The following ICE1 variants were observed in gnomAD, a reference collection of about 807,000 sequenced individuals.
ICE1 encodes the protein interactor of little elongation complex ELL subunit 1, also known as little elongation complex subunit 1.
A neutral mutation model predicts 192.7 loss-of-function variants in ICE1; 64 were observed. That is an observed-to-expected ratio of 0.33 (90% CI 0.27 to 0.41). ICE1 has a LOEUF of 0.41. Among genes scored for constraint, ICE1 ranks in the 10% least tolerant of loss-of-function variants. ICE1 has a pLI of 1.00. For missense variants in ICE1, 2,708 were observed against 2,696.0 expected (o/e 1.00, Z -0.10); for synonymous variants, 1,010 against 984.5 (o/e 1.03, Z -0.49).
At chr5:5,436,750 C>A (rs1035455960) in intron 2 of ICE1, among the ~76,000 whole-genome samples, 1 of 152,170 alleles carries the variant, frequency 6.6e-6, no homozygotes, top group Non-Finnish European at 1.5e-5. Flanking sequence ...TCAAAGCCTT[C>A]TTAGCTTTAC....
At chr5:5,478,697 A>G (rs1739411574) in intron 17 of ICE1, among the ~76,000 whole-genome samples, 1 of 152,240 alleles carries the variant, frequency 6.6e-6, no homozygotes, top group Non-Finnish European at 1.5e-5. Flanking sequence ...TTCAAACTAT[A>G]CTAAAAGGCT....
chr5:5,483,814 G>A (rs564159058), intron 17 of ICE1, among the ~76,000 whole-genome samples: 7 of 152,316 alleles, frequency 4.6e-5, no homozygotes, highest in Admixed American at 4.6e-4. Flanking sequence ...AGGTCAGACC[G>A]AAGTAGCCAT....
chr5:5,454,535 T>C lies in ICE1; in HGVS notation c.605-17T>C, dbSNP rs745758576. On this transcript the variant is annotated splice_polypyrimidine_tract_variant and intron_variant, in intron 10 of 18. Transcript: ENST00000296564. ...GAGCCAAATGACGTGACTTTAATGC[T>C]TTGCTCTGTTTCACAGGAAAAGTGA... 1.2e-6 allele frequency: 2 copies of C among 1,601,122 alleles called. No individual in the cohort carries two copies. The highest frequency in any genetic ancestry group is 2.7e-5 in the African/African-American group (2 of 74,672).
chr5:5,443,528 A>G (rs566626429), intron 6 of ICE1, among the ~76,000 whole-genome samples: 1 of 152,248 alleles, frequency 6.6e-6, no homozygotes, highest in East Asian at 1.9e-4. Flanking sequence ...TATGCATTAT[A>G]TTTGCATGCA....
At chr5:5,476,975 A>G (rs1204104621) in intron 17 of ICE1, among the ~76,000 whole-genome samples, 1 of 152,196 alleles carries the variant, frequency 6.6e-6, no homozygotes, top group Non-Finnish European at 1.5e-5. Flanking sequence ...AGAGGACCTC[A>G]ATGGCCATTT....
At chr5:5,440,893 CCTGA>C (rs1373068934) in intron 4 of ICE1, among the ~76,000 whole-genome samples, 1 of 150,740 alleles carries the variant, frequency 6.6e-6, no homozygotes, top group African/African-American at 2.4e-5. Flanking sequence ...AGAGTGAGAC[CCTGA>C]CTAACAAAAA....
rs746383043 is a variant in ICE1, at chr5:5,463,566, A to G, written c.4232A>G (p.Asn1411Ser). 3 of 1,614,028 alleles carry G rather than the reference A, an allele frequency of 1.9e-6. No individual in the cohort carries two copies. Among genetic ancestry groups the G allele is most frequent in the Admixed American group, 3.3e-5 (2 of 60,032 alleles). Residue 1411 changes from asparagine to serine, a missense_variant, in exon 13 of 19, where the codon AAT becomes AGT. This residue lies in a region of ICE1 where 2,366 missense variants were observed against 2,276.6 expected (regional missense o/e 1.04). Transcript: ENST00000296564. ...TCAGAAGTTATAAACGTACTTATAAATAAGGATCAGAATCTAGTCATTGAA... is the reference window on the plus strand; with the variant it reads ...TCAGAAGTTATAAACGTACTTATAAGTAAGGATCAGAATCTAGTCATTGAA... ...VTSEVINVLI[N>S]KDQNLVIEKG...
chr5:5,427,902 T>C (rs1054011661), intron 1 of ICE1, among the ~76,000 whole-genome samples: 1 of 152,110 alleles, frequency 6.6e-6, no homozygotes, highest in African/African-American at 2.4e-5. Context: ...AAGGGACATA[T>C]GAGGTACTCT....
intron 12 of ICE1, among the ~76,000 whole-genome samples, chr5:5,459,099 T>C (rs976938330): frequency 6.6e-6 from 1 of 152,154 alleles, no homozygotes; most frequent in Non-Finnish European, 1.5e-5. Context: ...GGTCTCGCTC[T>C]CCTGACCTCG....
intron 11 of ICE1, 29 bp from the exon 12 acceptor site, chr5:5,457,287 TTGATATTGTAAATACC>T: frequency 6.8e-7 from 1 of 1,474,792 alleles, no homozygotes; most frequent in Non-Finnish European, 9.1e-7. Flanking sequence ...TTAAGTTTTC[TTGATATTGTAAATACC>T]TGATACCTAC....
chr5:5,458,964 C>T (rs1738674467), intron 12 of ICE1, among the ~76,000 whole-genome samples: 1 of 152,134 alleles, frequency 6.6e-6, no homozygotes, highest in Non-Finnish European at 1.5e-5. Context: ...GCTCCACCTC[C>T]TGGGTTCACG....
At chr5:5,488,187 T>C (rs1739680699) in intron 18 of ICE1, among the ~76,000 whole-genome samples, 2 of 152,212 alleles carry the variant, frequency 1.3e-5, no homozygotes, top group Non-Finnish European at 1.5e-5. Flanking sequence ...AGAGCTGCAG[T>C]TGTGCCTGCT....
chr5:5,440,241 G>T (rs1373841701), intron 4 of ICE1, among the ~76,000 whole-genome samples: 3 of 152,162 alleles, frequency 2.0e-5, no homozygotes, highest in Non-Finnish European at 2.9e-5. Context: ...TAATGTGGTG[G>T]TTTATCTTCT....
intron 1 of ICE1, among the ~76,000 whole-genome samples, chr5:5,428,982 T>C (rs1270549276): frequency 6.6e-6 from 1 of 152,152 alleles, no homozygotes; most frequent in Non-Finnish European, 1.5e-5. Context: ...GTTATACTCA[T>C]GGCTGTGGTT....
intron 15 of ICE1, among the ~76,000 whole-genome samples, chr5:5,471,723 T>C (rs191905090): frequency 1.7e-4 from 26 of 152,294 alleles, no homozygotes; most frequent in South Asian, 1.0e-3. Context: ...AATATGATAC[T>C]ACTAGTTAAC....
In ICE1 at chr5:5,460,322, G is replaced by C. The variant is rs1199271890; in HGVS notation, c.1102-114G>C. On this transcript the variant is annotated intron_variant, in intron 12 of 18. Transcript: ENST00000296564. ...ATTCCTAGCCTGCCCCTGCTCAAAC[G>C]TGATTGTAAAGATTCTTCAGGAAAC... The C allele has an allele frequency of 6.5e-6, 5 of 770,084 alleles. No homozygotes were observed. In the East Asian group the frequency reaches 1.3e-4, roughly 21 times the overall value. The allele number at this position is 770,084 out of a possible 1,614,324, so 47.7% of individuals were successfully genotyped here.
Position 5,464,963 on chromosome 5 carries a change from C to T in ICE1, c.5629C>T (p.Pro1877Ser). The T allele has an allele frequency of 6.2e-7, 1 of 1,613,752 alleles. No homozygotes were observed. The highest frequency in any genetic ancestry group is 8.5e-7 in the Non-Finnish European group (1 of 1,179,758). The change falls in exon 13 of 19, where the codon CCA becomes TCA. Residue 1877 changes from proline to serine, a missense_variant. Pro to Ser is a moderately conservative substitution (Grantham distance 74, BLOSUM62 -1). This residue lies in a region of ICE1 where 2,366 missense variants were observed against 2,276.6 expected (regional missense o/e 1.04). Transcript: ENST00000296564. The surrounding 1 kb of genome is among the most constrained non-coding windows in gnomAD (Gnocchi z 4.0). Reference protein sequence around the residue: ...IHKNLPGNLPPAEVATTNEER... With the variant: ...IHKNLPGNLPSAEVATTNEER... ...CAAAAACCTCCCAGGGAACCTCCCT[C>T]CAGCTGAAGTTGCAACAACAAATGA... is the stretch of plus-strand genomic sequence containing the variant.
At chr5:5,484,619 C>T (rs933944876) in intron 17 of ICE1, among the ~76,000 whole-genome samples, 5 of 152,162 alleles carry the variant, frequency 3.3e-5, no homozygotes, top group African/African-American at 1.2e-4. Flanking sequence ...GGGAGTTATC[C>T]TGATATTCTT....
At position 5,435,794 on chromosome 5, in the gene ICE1, T is replaced by G. The variant is rs999703054; in HGVS notation, c.85-624T>G. Among the ~76,000 whole-genome samples the G allele has an allele frequency of 2.0e-5, 3 of 150,910 alleles. No homozygotes were observed. The East Asian group carries it at 5.9e-4, about 30-fold the overall frequency. On this transcript the variant is annotated intron_variant, in intron 1 of 18. Transcript: ENST00000296564. Reference sequence around the variant, plus strand: ...AAGTGATTCTCCTGCCTCAGCCTCCTGAGTAGCTAGGATTACAGGTGCCCA... The same window carrying G: ...AAGTGATTCTCCTGCCTCAGCCTCCGGAGTAGCTAGGATTACAGGTGCCCA...
Sources: allele counts gnomAD v4.1 joint callset (sites outside exome capture counted in the v4.1 genomes callset), GRCh38; gene constraint gnomAD v4.1.1; regional missense constraint gnomAD v4.1.1; non-coding constraint Gnocchi (gnomAD v3.1); transcripts MANE v1.5; gene names NCBI Gene and HGNC (gene_info 2026-07-23, HGNC 2026-07-21).